The following ZNF839 variants were observed in gnomAD, a reference collection of about 807,000 sequenced individuals.
ZNF839 encodes renal carcinoma antigen NY-REN-50.
A neutral mutation model predicts 56.4 loss-of-function variants in ZNF839; 38 were observed. The observed-to-expected ratio is 0.67, with a 90% CI of 0.52 to 0.88. The LOEUF is 0.88. Among genes scored for constraint, ZNF839 ranks in the 40% least tolerant of loss-of-function variants. The pLI is 0.00. For synonymous variants in ZNF839, 486 were observed against 493.5 expected (o/e 0.98, Z 0.20); for missense variants, 1,091 against 1,177.6 (o/e 0.93, Z 1.08).
chr14:102,334,577 G>GGCCTTCCT lies in ZNF839; in HGVS notation c.1441_1442insCCTTCCTG (p.Asp481AlafsTer17). The GGCCTTCCT allele has an allele frequency of 6.2e-7, 1 of 1,612,058 alleles. No homozygotes were observed. Among genetic ancestry groups the GGCCTTCCT allele is most frequent in the Non-Finnish European group, 8.5e-7 (1 of 1,179,128 alleles). The stretch of plus-strand genomic sequence containing the variant: ...AGTTCCTCCAGCAGTGTGACCGGGA[G>GGCCTTCCT]GATCTGGTGGAATTGGCTCTGCCTC... On this transcript the variant is annotated frameshift_variant, in exon 4 of 8. Coordinates refer to ENST00000442396, the MANE Select transcript of ZNF839 (RefSeq NM_018335.6). LOFTEE classifies it high-confidence loss of function.
chr14:102,338,794 C>A, intron 5 of ZNF839, 22 bp from the exon 6 acceptor site: 1 of 1,611,938 alleles, frequency 6.2e-7, no homozygotes, highest in South Asian at 1.1e-5. Flanking sequence ...GAAGTTTATT[C>A]TCTTGGCCCA....
In ZNF839 at chr14:102,332,748, A is replaced by G. The variant is rs1176047311; in HGVS notation, c.1416+902A>G. On this transcript the variant is annotated intron_variant, in intron 3 of 7. Transcript: ENST00000442396. The surrounding 1 kb of genome is among the most constrained non-coding windows in gnomAD (Gnocchi z 4.9). ...AACATAGTGAAACCCTGTCTCTACT[A>G]AAAATACAAAAATTAGCTGGGCATG... is the stretch of plus-strand genomic sequence containing the variant. 6.6e-6 allele frequency among the ~76,000 whole-genome samples: 1 copy of G among 152,058 alleles called. No homozygotes were observed. Among genetic ancestry groups the G allele is most frequent in the Non-Finnish European group, 1.5e-5 (1 of 68,004 alleles).
At chr14:102,320,943 A>G (rs1327737860) in intron 1 of ZNF839, among the ~76,000 whole-genome samples, 1 of 152,242 alleles carries the variant, frequency 6.6e-6, no homozygotes, top group African/African-American at 2.4e-5. Context: ...AAAATTGCCA[A>G]AAGAAGACAG....
chr14:102,327,111 C>T (rs2073457082), intron 2 of ZNF839, among the ~76,000 whole-genome samples: 2 of 151,878 alleles, frequency 1.3e-5, no homozygotes, highest in South Asian at 4.2e-4. Context: ...ATGGCCACAG[C>T]AGGAACAAGG....
In ZNF839 at chr14:102,342,218, GT is replaced by G. The variant is rs765218318; in HGVS notation, c.*40del. On this transcript the variant is annotated 3_prime_UTR_variant, in exon 8 of 8. Transcript: ENST00000442396. ...AGAAGCTGTGGAGTCGGTCGTCACC[GT>G]GGAGCCAGAGCCCTCACAGTGAAGT... The G allele has an allele frequency of 2.8e-6, 2 of 703,196 alleles. No individual in the cohort carries two copies. Among genetic ancestry groups the G allele is most frequent in the South Asian group, 2.1e-5 (1 of 47,990 alleles). 43.6% of individuals were successfully genotyped at this position (703,196 alleles called of 1,614,324 possible).
chr14:102,341,372 C>A lies in ZNF839; in HGVS notation c.1977C>A (p.Ser659Arg). The A allele has an allele frequency of 6.5e-7, 1 of 1,540,966 alleles. No individual in the cohort carries two copies. The highest frequency in any genetic ancestry group is 8.7e-7 in the Non-Finnish European group (1 of 1,147,318). ...NVTVSPRSEESHTTTVSGGNG... is the reference protein window; with the variant it reads ...NVTVSPRSEERHTTTVSGGNG... ...CTGTCTCTCCCCGTTCTGAAGAAAG[C>A]CATACAACGACGGTTTCTGGTGGCA... The change falls in exon 8 of 8, where the codon AGC becomes AGA. Residue 659 changes from serine to arginine, a missense_variant. Around this residue, in one of 3 missense-constraint regions of ZNF839, gnomAD observed 431 missense variants for 468.0 expected, o/e 0.92. Coordinates refer to ENST00000442396, the MANE Select transcript of ZNF839 (RefSeq NM_018335.6).
intron 3 of ZNF839, 41 bp downstream of exon 3, chr14:102,331,887 T>G: frequency 6.8e-7 from 1 of 1,480,606 alleles, no homozygotes; most frequent in South Asian, 1.2e-5. Context: ...CCCGTGTCTT[T>G]AGCATGGATG....
rs973334412 is a variant in ZNF839 at position 102,342,261 on chromosome 14, T to G, written c.*82T>G. 1 of 1,504,098 alleles carries G rather than the reference T, an allele frequency of 6.6e-7. No individual in the cohort carries two copies. The highest frequency in any genetic ancestry group is 1.4e-5 in the African/African-American group (1 of 71,522). The allele number at this position is 1,504,098 out of a possible 1,614,324, so 93.2% of individuals were successfully genotyped here. Reference sequence around the variant, plus strand: ...CAGTGAAGTGGAGTCAGATCCTAGATTCGTCTGATTTTATCCAGAGAAGGT... The same window carrying G: ...CAGTGAAGTGGAGTCAGATCCTAGAGTCGTCTGATTTTATCCAGAGAAGGT... On this transcript the variant is annotated 3_prime_UTR_variant, in exon 8 of 8. Coordinates refer to ENST00000442396, the MANE Select transcript of ZNF839 (RefSeq NM_018335.6).
rs1328271503 is a variant in ZNF839 at position 102,330,207 on chromosome 14, A to G, written c.1192-1415A>G. ...TCAGTGTTGTAGTATTTAGTATTCT[A>G]TTATAATTCTCTCTCTTTTTTTAAT... On this transcript the variant is annotated intron_variant, in intron 2 of 7. Coordinates refer to ENST00000442396, the MANE Select transcript of ZNF839 (RefSeq NM_018335.6). Among the ~76,000 whole-genome samples the G allele has an allele frequency of 9.9e-5, 15 of 151,910 alleles. No individual in the cohort carries two copies. The South Asian group carries it at 2.9e-3, about 30-fold the overall frequency.
chr14:102,330,089 C>T (rs1018356521), intron 2 of ZNF839, among the ~76,000 whole-genome samples: 1 of 151,950 alleles, frequency 6.6e-6, no homozygotes, highest in African/African-American at 2.4e-5. Flanking sequence ...GCCATTGCGC[C>T]CGGCCTCAGA....
chr14:102,336,611 T>G (rs1446333045), intron 5 of ZNF839: 1 of 428,798 alleles, frequency 2.3e-6, no homozygotes, highest in East Asian at 7.3e-5. Flanking sequence ...TTTTTTTTTC[T>G]TAAAGCAATA....
In ZNF839 at chr14:102,331,830, A is replaced by C. The variant is rs1230328699; in HGVS notation, c.1400A>C (p.Lys467Thr). The change falls in exon 3 of 8, where the codon AAA (lysine) becomes ACA (threonine). Residue 467 changes from lysine to threonine, a missense_variant. Around this residue, in one of 3 missense-constraint regions of ZNF839, gnomAD observed 614 missense variants for 629.2 expected, o/e 0.98. Transcript: ENST00000442396. Reference protein sequence around the residue: ...AAGEQRASPSKARLKEFLQQC... With the variant: ...AAGEQRASPSTARLKEFLQQC... Reference sequence around the variant, plus strand: ...GGGGAGCAGAGGGCGTCGCCAAGCAAAGCCAGGCTCAAGGAGGTACCTCAC... The same window carrying C: ...GGGGAGCAGAGGGCGTCGCCAAGCACAGCCAGGCTCAAGGAGGTACCTCAC... The C allele has an allele frequency of 6.4e-7, 1 of 1,570,684 alleles. No individual in the cohort carries two copies. The highest frequency in any genetic ancestry group is 1.3e-5 in the African/African-American group (1 of 74,076).
At position 102,326,511 on chromosome 14, in the gene ZNF839, T is replaced by C; in HGVS notation, c.815T>C (p.Leu272Pro). The change falls in exon 2 of 8, where the codon CTG (leucine) becomes CCG (proline). Residue 272 changes from leucine (L) to proline (P), a missense_variant. Around this residue, in one of 3 missense-constraint regions of ZNF839, gnomAD observed 614 missense variants for 629.2 expected, o/e 0.98. Transcript: ENST00000442396. This position sits in a 1 kb window ranked among gnomAD's most constrained non-coding sequence, Gnocchi z 4.3. ...KDYKFIKTED[L>P]ADGHLSDSDD... ...TATAAGTTCATAAAAACAGAGGATC[T>C]GGCGGATGGTCATCTGTCAGATTCT... 1 of 1,614,058 alleles carries C rather than the reference T, an allele frequency of 6.2e-7. No homozygotes were observed. The highest frequency in any genetic ancestry group is 8.5e-7 in the Non-Finnish European group (1 of 1,179,898).
Position 102,326,170 on chromosome 14 carries a change from A to G in ZNF839, c.474A>G (p.Arg158=), listed in dbSNP as rs369763728. The G allele has an allele frequency of 8.7e-6, 14 of 1,613,612 alleles. No homozygotes were observed. The African/African-American group carries it at 1.7e-4, about 20-fold the overall frequency. Residue 158 remains arginine (R), a synonymous_variant, in exon 2 of 8, where the codon AGA becomes AGG. Coordinates refer to ENST00000442396, the MANE Select transcript of ZNF839 (RefSeq NM_018335.6). The surrounding 1 kb of genome is among the most constrained non-coding windows in gnomAD (Gnocchi z 4.3). ...TGCTCAGGGTACAGCCGCTTGTGAG[A>G]ACCGAGCCACAGTCCTGCTTCCTAA... The part of the protein sequence containing the change: ...PQLLRVQPLV[R]TEPQSCFLSD...
chr14:102,326,641 T>G lies in ZNF839; in HGVS notation c.945T>G (p.Cys315Trp). The G allele has an allele frequency of 6.2e-7, 1 of 1,613,418 alleles. No homozygotes were observed. The highest frequency in any genetic ancestry group is 1.1e-5 in the South Asian group (1 of 90,968). ...CCCTGAGGCCCAAAAGCTTTAAGTG[T>G]CAGACTTGTGAAAAGTCATATATAG... ...SCSLRPKSFKCQTCEKSYIGK... is the reference protein window; with the variant it reads ...SCSLRPKSFKWQTCEKSYIGK... Residue 315 changes from cysteine to tryptophan, a missense_variant, in exon 2 of 8, where the codon TGT becomes TGG. Transcript: ENST00000442396. This position sits in a 1 kb window ranked among gnomAD's most constrained non-coding sequence, Gnocchi z 4.3.
upstream of ZNF839, chr14:102,319,627 C>G: frequency 1.7e-6 from 2 of 1,184,094 alleles, no homozygotes; most frequent in Non-Finnish European, 2.1e-6. This position sits in a 1 kb window ranked among gnomAD's most constrained non-coding sequence, Gnocchi z 4.5. Flanking sequence ...GGGCACTCCA[C>G]GACTTTCCCG....
chr14:102,330,227 T>C (rs2073706048), intron 2 of ZNF839, among the ~76,000 whole-genome samples: 1 of 152,002 alleles, frequency 6.6e-6, no homozygotes, highest in South Asian at 2.1e-4. Context: ...TCTCTCTTTT[T>C]TTAATTTTTA....
chr14:102,321,902 C>T lies in ZNF839; in HGVS notation c.288+1849C>T, dbSNP rs543528284. ...CAACCACAGCAGAAGGCCCAGTGTT[C>T]GCTGTGGGGGTGGTGTGGATCAGCA... is the stretch of plus-strand genomic sequence containing the variant. On this transcript the variant is annotated intron_variant, in intron 1 of 7. Coordinates refer to ENST00000442396, the MANE Select transcript of ZNF839 (RefSeq NM_018335.6). Among the ~76,000 whole-genome samples, 7 of 152,202 alleles carry T rather than the reference C, an allele frequency of 4.6e-5. No individual in the cohort carries two copies. In the South Asian group the frequency reaches 6.2e-4, roughly 14 times the overall value.
chr14:102,341,348 T>G lies in ZNF839; in HGVS notation c.1953T>G (p.Thr651=). The G allele has an allele frequency of 6.6e-7, 1 of 1,522,096 alleles. No individual in the cohort carries two copies. The highest frequency in any genetic ancestry group is 8.8e-7 in the Non-Finnish European group (1 of 1,136,154). The allele number at this position is 1,522,096 out of a possible 1,614,324, so 94.3% of individuals were successfully genotyped here. A position where few individuals can be genotyped will look rare whatever the true frequency, so the allele number is the denominator to read the frequency against. The part of the protein sequence containing the change: ...AAGFSPPVNV[T]VSPRSEESHT... ...GTTTTTCCCCTCCAGTAAATGTGAC[T>G]GTCTCTCCCCGTTCTGAAGAAAGCC... Residue 651 remains threonine (T), a synonymous_variant, in exon 8 of 8, where the codon ACT becomes ACG. Coordinates refer to ENST00000442396, the MANE Select transcript of ZNF839 (RefSeq NM_018335.6).
Sources: gnomAD v4.1 joint callset for allele counts (sites outside exome capture counted in the v4.1 genomes callset) on GRCh38, gnomAD v4.1.1 for gene constraint, gnomAD v4.1.1 regional missense constraint, Gnocchi (gnomAD v3.1) non-coding constraint, MANE v1.5 for transcripts, NCBI Gene and HGNC (gene_info 2026-07-23, HGNC 2026-07-21) for gene names.